Variants in NUP155 observed in about 807,000 individuals in gnomAD.
NUP155 encodes nuclear pore complex protein Nup155.
In NUP155, 71 loss-of-function variants were observed where a neutral mutation model predicts 180.4. The ratio of observed to expected loss-of-function variants is 0.39; its 90% confidence interval spans 0.33 to 0.48. The LOEUF (loss-of-function observed/expected upper bound fraction) is 0.48, where lower values mean the gene tolerates loss of function less well. Among genes scored for constraint, NUP155 ranks in the 20% least tolerant of loss-of-function variants. The pLI is 0.91. For synonymous variants in NUP155, 582 were observed against 559.5 expected (o/e 1.04, Z -0.57); for missense variants, 1,553 against 1,648.9 (o/e 0.94, Z 1.01).
chr5:37,360,617 C>T lies in NUP155; in HGVS notation c.393-2466G>A, dbSNP rs146213597. Among the ~76,000 whole-genome samples, 777 of 151,634 alleles carry T rather than the reference C, an allele frequency of 5.1e-3. 3 individuals carry two copies. The highest frequency in any genetic ancestry group is 6.9e-3 in the Non-Finnish European group (471 of 67,928). On this transcript the variant is annotated intron_variant, in intron 3 of 34. Coordinates refer to ENST00000231498, the MANE Select transcript of NUP155 (RefSeq NM_153485.3). ...CTTGCCCAACCCGGTGAAACTCCGT[C>T]TCCACTAAAAATACAAAAATTAGCC...
chr5:37,305,764 TG>T (rs1309588873), intron 25 of NUP155, among the ~76,000 whole-genome samples: 2 of 152,020 alleles, frequency 1.3e-5, no homozygotes, highest in Admixed American at 6.6e-5. Flanking sequence ...CCCAGCTACT[TG>T]GGAGGCAGAG....
chr5:37,334,384 C>CTTT (rs111817788), intron 12 of NUP155, among the ~76,000 whole-genome samples: 1 of 145,852 alleles, frequency 6.9e-6, no homozygotes, highest in African/African-American at 2.5e-5. Context: ...CAGGCATTAC[C>CTTT]TTTTTTTTTT....
chr5:37,294,566 G>A (rs1361084508), intron 32 of NUP155, 101 bp from the exon 33 acceptor site: 7 of 1,210,868 alleles, frequency 5.8e-6, no homozygotes, highest in Non-Finnish European at 8.3e-6. Flanking sequence ...GATATCTTCT[G>A]AAATCCAATT....
chr5:37,363,785 T>C (rs944418426), intron 3 of NUP155, 103 bp downstream of exon 3: 28 of 783,588 alleles, frequency 3.6e-5, no homozygotes, highest in African/African-American at 2.5e-4. Context: ...AAAGGCTAGA[T>C]GAATGAAAGA....
chr5:37,299,305 T>C (rs1742742763), intron 31 of NUP155, 143 bp downstream of exon 31: 1 of 891,268 alleles, frequency 1.1e-6, no homozygotes, highest in Admixed American at 1.9e-5. Flanking sequence ...CATACCCAGG[T>C]GACTTCCACT....
intron 24 of NUP155, among the ~76,000 whole-genome samples, chr5:37,308,820 C>A (rs929475523): frequency 1.4e-5 from 2 of 140,436 alleles, no homozygotes; most frequent in Non-Finnish European, 3.0e-5. Context: ...GCAGAGGATG[C>A]AGTGAGCTGA....
chr5:37,296,041 C>T (rs1398598502), intron 32 of NUP155, among the ~76,000 whole-genome samples: 4 of 144,706 alleles, frequency 2.8e-5, no homozygotes, highest in Admixed American at 2.7e-4. Flanking sequence ...CCGCCCTGTC[C>T]GGGAGGGAGG....
chr5:37,330,945 C>A (rs527834356), intron 14 of NUP155, among the ~76,000 whole-genome samples: 1 of 151,508 alleles, frequency 6.6e-6, no homozygotes, highest in East Asian at 2.0e-4. Context: ...GTCAGGAGAT[C>A]GAGACCATCC....
Position 37,292,051 on chromosome 5 carries a change from A to C in NUP155, c.4038-13T>G, listed in dbSNP as rs1190605839. On this transcript the variant is annotated splice_polypyrimidine_tract_variant and intron_variant, in intron 34 of 34. Transcript: ENST00000231498. ...TGTAAATCTTCTCCTACAACGAAAA[A>C]GACACATGATTAATTATACATTTAC... 2 of 1,613,740 alleles carry C rather than the reference A, an allele frequency of 1.2e-6. No homozygotes were observed. Among genetic ancestry groups the C allele is most frequent in the South Asian group, 2.2e-5 (2 of 91,080 alleles).
At chr5:37,367,007 T>G (rs1431503671) in intron 1 of NUP155, among the ~76,000 whole-genome samples, 1 of 151,886 alleles carries the variant, frequency 6.6e-6, no homozygotes, top group Non-Finnish European at 1.5e-5. Flanking sequence ...GTGCTGGGAT[T>G]ACAGATGTGA....
At chr5:37,363,176 TG>T (rs1747331340) in intron 3 of NUP155, among the ~76,000 whole-genome samples, 2 of 152,162 alleles carry the variant, frequency 1.3e-5, no homozygotes, top group South Asian at 4.1e-4. Flanking sequence ...CCTCCCAAAG[TG>T]CTGGGATTAT....
Position 37,328,389 on chromosome 5 carries a change from T to C in NUP155, c.1845A>G (p.Pro615=), listed in dbSNP as rs201181459. 6 of 1,610,048 alleles carry C rather than the reference T, an allele frequency of 3.7e-6. No homozygotes were observed. The highest frequency in any genetic ancestry group is 5.1e-6 in the Non-Finnish European group (6 of 1,176,348). Residue 615 remains proline, a synonymous_variant, in exon 17 of 35, where the codon CCA becomes CCG. Coordinates refer to ENST00000231498, the MANE Select transcript of NUP155 (RefSeq NM_153485.3). ...SSPVPSGSPY[P]NPSFLGTPSH... ...ACGGTGTTCCCAAAAAGGATGGATT[T>C]GGATAGGGACTACCACTAGGAACAG...
At chr5:37,297,524 G>A (rs1561765814) in intron 32 of NUP155, among the ~76,000 whole-genome samples, 1 of 151,580 alleles carries the variant, frequency 6.6e-6, no homozygotes, top group Non-Finnish European at 1.5e-5. Context: ...AACCACAGGC[G>A]CATGCCACTA....
At position 37,348,594 on chromosome 5, in the gene NUP155, C is replaced by A; in HGVS notation, c.906G>T (p.Val302=). The change falls in exon 9 of 35, where the codon GTG becomes GTT. Residue 302 remains valine, a splice_region_variant and synonymous_variant. Coordinates refer to ENST00000231498, the MANE Select transcript of NUP155 (RefSeq NM_153485.3). ...YTRSEKGVIQ[V]YDLGQDGQGM... is the part of the protein sequence containing the mutation. Reference sequence around the variant, plus strand: ...CTTGTCCATCTTGTCCCAAATCATACACCTGTGAATACAAAATCATTCTCA... The same window carrying A: ...CTTGTCCATCTTGTCCCAAATCATAAACCTGTGAATACAAAATCATTCTCA... The A allele has an allele frequency of 6.3e-7, 1 of 1,581,822 alleles. No individual in the cohort carries two copies. The highest frequency in any genetic ancestry group is 1.1e-5 in the South Asian group (1 of 90,416).
intron 1 of NUP155, among the ~76,000 whole-genome samples, chr5:37,370,231 G>A (rs1304113883): frequency 6.6e-6 from 1 of 152,160 alleles, no homozygotes; most frequent in Non-Finnish European, 1.5e-5. Flanking sequence ...AATTAGCCGG[G>A]CTTGGTGGCA....
intron 10 of NUP155, among the ~76,000 whole-genome samples, chr5:37,341,548 TA>T (rs1298992569): frequency 1.3e-5 from 2 of 152,026 alleles, no homozygotes; most frequent in East Asian, 1.9e-4. Flanking sequence ...TTTTTATTTT[TA>T]TTTTTTTTTG....
At chr5:37,297,934 G>T (rs74689015) in intron 32 of NUP155, among the ~76,000 whole-genome samples, 1 of 132,830 alleles carries the variant, frequency 7.5e-6, no homozygotes. Context: ...ATGCTCATTT[G>T]AAAAAAAAAA....
chr5:37,317,161 T>A (rs1173791607), intron 21 of NUP155, among the ~76,000 whole-genome samples: 7 of 138,042 alleles, frequency 5.1e-5, no homozygotes, highest in Non-Finnish European at 7.8e-5. Flanking sequence ...AGAGTGAGAC[T>A]CTGTCTCAAA....
chr5:37,330,022 A>G lies in NUP155; in HGVS notation c.1724+16T>C, dbSNP rs1744853268. On this transcript the variant is annotated intron_variant, in intron 15 of 34. Transcript: ENST00000231498. ...GTAAAAAAACAAATAAATAAACAAG[A>G]AAAACTTTCACATACCTAAAGAAAG... 6.3e-7 allele frequency: 1 copy of G among 1,578,438 alleles called. No homozygotes were observed. The highest frequency in any genetic ancestry group is 8.7e-7 in the Non-Finnish European group (1 of 1,148,736).
Sources: allele counts gnomAD v4.1 joint callset (sites outside exome capture counted in the v4.1 genomes callset), GRCh38; gene constraint gnomAD v4.1.1; transcripts MANE v1.5; gene names NCBI Gene and HGNC (gene_info 2026-07-23, HGNC 2026-07-21).